GFRA1: variants seen among roughly 807,000 people sequenced by gnomAD.
The protein encoded by GFRA1 is GDNF family receptor alpha-1.
In GFRA1, 16 loss-of-function variants were observed where a neutral mutation model predicts 51.6. That is an observed-to-expected ratio of 0.31 (90% confidence interval 0.21 to 0.47). The LOEUF is 0.47. Ranked by LOEUF, GFRA1 falls within the 20% of genes least tolerant of loss-of-function variation. The pLI, the probability that GFRA1 is intolerant of heterozygous loss-of-function variation, is 1.00. For synonymous variants in GFRA1, 270 were observed against 241.3 expected (o/e 1.12, Z -1.10); for missense variants, 530 against 594.3 (o/e 0.89, Z 1.13).
In GFRA1 at chr10:116,136,491, C is replaced by G. The variant is rs1048164567; in HGVS notation, c.434-10934G>C. Among the ~76,000 whole-genome samples, 7 of 152,164 alleles carry G rather than the reference C, an allele frequency of 4.6e-5. No individual in the cohort carries two copies. The East Asian group carries it at 1.3e-3, about 29-fold the overall frequency. On this transcript the variant is annotated intron_variant, in intron 5 of 10. Coordinates refer to ENST00000355422, the MANE Select transcript of GFRA1 (RefSeq NM_005264.8). ...AAAGAATCCAAAACCCCCCTCTTCC[C>G]CCTCCACTTTGCACCAGTGTATTGC...
At chr10:116,210,644 A>T (rs1965121381) in intron 5 of GFRA1, among the ~76,000 whole-genome samples, 1 of 152,304 alleles carries the variant, frequency 6.6e-6, no homozygotes, top group African/African-American at 2.4e-5. Flanking sequence ...CTGCACTTCT[A>T]TCAGAGAAGG....
chr10:116,140,848 C>T lies in GFRA1; in HGVS notation c.434-15291G>A, dbSNP rs570251754. Among the ~76,000 whole-genome samples, 8 of 152,288 alleles carry T rather than the reference C, an allele frequency of 5.3e-5. No homozygotes were observed. In the South Asian group the frequency reaches 1.5e-3, roughly 28 times the overall value. On this transcript the variant is annotated intron_variant, in intron 5 of 10. Transcript: ENST00000355422. ...CATGGTCTTCTAAGGAAAGGAATCA[C>T]AATCACCTGCTGAAGCTGAACACTG... is the stretch of plus-strand genomic sequence containing the variant.
At chr10:116,240,950 G>A (rs1967311677) in intron 4 of GFRA1, among the ~76,000 whole-genome samples, 1 of 152,140 alleles carries the variant, frequency 6.6e-6, no homozygotes, top group African/African-American at 2.4e-5. Context: ...ACTGAGGCTT[G>A]CGAGGTTACC....
At chr10:116,209,919 G>A (rs1965059534) in intron 5 of GFRA1, among the ~76,000 whole-genome samples, 1 of 152,076 alleles carries the variant, frequency 6.6e-6, no homozygotes, top group East Asian at 1.9e-4. Context: ...ACAAAAGCAA[G>A]TTCAGTTCCT....
upstream of GFRA1, among the ~76,000 whole-genome samples, chr10:116,273,642 ACACACTCTCTCT>A (rs796411021): frequency 1.6e-4 from 4 of 25,272 alleles, no homozygotes; most frequent in African/African-American, 3.6e-4. Flanking sequence ...TGCCAGACAC[ACACACTCTCTCT>A]CTCTCTCTCT....
At chr10:116,253,397 CA>C (rs1968551789) in intron 4 of GFRA1, among the ~76,000 whole-genome samples, 1 of 152,128 alleles carries the variant, frequency 6.6e-6, no homozygotes, top group Non-Finnish European at 1.5e-5. Flanking sequence ...CATTTGAAGT[CA>C]GGAGTTCAAA....
chr10:116,067,270 G>C (rs1339211567), intron 9 of GFRA1, among the ~76,000 whole-genome samples: 2 of 152,172 alleles, frequency 1.3e-5, no homozygotes, highest in Non-Finnish European at 2.9e-5. Flanking sequence ...TTCTGTTCAA[G>C]TTTGGAATTG....
chr10:116,234,396 G>A (rs1039460413), intron 4 of GFRA1, among the ~76,000 whole-genome samples: 2 of 152,144 alleles, frequency 1.3e-5, no homozygotes, highest in African/African-American at 4.8e-5. Flanking sequence ...TGCAGCCAGT[G>A]TTTTTCACCT....
chr10:116,125,610 C>T, intron 5 of GFRA1, 53 bp from the exon 6 acceptor site: 1 of 1,375,684 alleles, frequency 7.3e-7, no homozygotes, highest in Non-Finnish European at 1.0e-6. Context: ...TCTGTGTTCT[C>T]ACCTACTCTG....
intron 6 of GFRA1, among the ~76,000 whole-genome samples, chr10:116,115,751 GA>G (rs920702507): frequency 7.3e-5 from 11 of 151,060 alleles, no homozygotes; most frequent in East Asian, 5.8e-4. Context: ...CTGGGAATTA[GA>G]AAAAAAAATG....
At chr10:116,136,775 C>A (rs1958343208) in intron 5 of GFRA1, among the ~76,000 whole-genome samples, 1 of 152,148 alleles carries the variant, frequency 6.6e-6, no homozygotes, top group Non-Finnish European at 1.5e-5. Flanking sequence ...AATCCCTGAG[C>A]AACATCCAGT....
At chr10:116,150,953 C>T (rs1959038771) in intron 5 of GFRA1, among the ~76,000 whole-genome samples, 1 of 151,558 alleles carries the variant, frequency 6.6e-6, no homozygotes, top group Non-Finnish European at 1.5e-5. Flanking sequence ...TTGCTTCAGC[C>T]TCAAAGAGCA....
chr10:116,150,778 G>T (rs1405102252), intron 5 of GFRA1, among the ~76,000 whole-genome samples: 1 of 152,268 alleles, frequency 6.6e-6, no homozygotes, highest in East Asian at 1.9e-4. Context: ...ATCCCTACAC[G>T]TGATGTTAAC....
intron 5 of GFRA1, among the ~76,000 whole-genome samples, chr10:116,128,468 G>A (rs922004180): frequency 6.6e-6 from 1 of 152,148 alleles, no homozygotes; most frequent in African/African-American, 2.4e-5. Context: ...GCTCATGCCT[G>A]TAATCCCAGC....
chr10:116,096,608 A>G (rs375069681), intron 7 of GFRA1, 47 bp downstream of exon 7: 3 of 1,000,756 alleles, frequency 3.0e-6, no homozygotes, highest in South Asian at 2.6e-5. Flanking sequence ...GAACGCAGGT[A>G]TATGCAAACC....
At chr10:116,186,893 T>C (rs1003082910) in intron 5 of GFRA1, among the ~76,000 whole-genome samples, 4 of 152,164 alleles carry the variant, frequency 2.6e-5, no homozygotes, top group African/African-American at 2.4e-5. Context: ...AAGTGCTTCT[T>C]GCACCTCAGC....
chr10:116,128,979 A>G (rs1037716919), intron 5 of GFRA1, among the ~76,000 whole-genome samples: 1 of 152,062 alleles, frequency 6.6e-6, no homozygotes, highest in African/African-American at 2.4e-5. Flanking sequence ...TACTGATTCT[A>G]TTTTCATCTA....
At chr10:116,212,960 C>A in intron 4 of GFRA1, among the ~76,000 whole-genome samples, 1 of 152,308 alleles carries the variant, frequency 6.6e-6, no homozygotes, top group East Asian at 1.9e-4. Flanking sequence ...TCCAAAAGTA[C>A]GCTCATTTGC....
chr10:116,079,247 A>G (rs950807371), intron 9 of GFRA1, among the ~76,000 whole-genome samples: 1 of 152,082 alleles, frequency 6.6e-6, no homozygotes, highest in African/African-American at 2.4e-5. Context: ...TCCAGCCTCC[A>G]GAGCTATGAG....
Sources: gnomAD v4.1 joint callset for allele counts (sites outside exome capture counted in the v4.1 genomes callset) on GRCh38, gnomAD v4.1.1 for gene constraint, MANE v1.5 for transcripts, NCBI Gene and HGNC (gene_info 2026-07-23, HGNC 2026-07-21) for gene names.